The following MB21D2 variants were observed in gnomAD, a reference collection of about 807,000 sequenced individuals.
MB21D2 encodes nucleotidyltransferase MB21D2.
A neutral mutation model predicts 33.3 loss-of-function variants in MB21D2; 9 were observed. The ratio of observed to expected loss-of-function variants is 0.27; its 90% CI spans 0.16 to 0.47. The LOEUF is 0.47. MB21D2 is among the 20% of genes least tolerant of loss of function. The probability of loss-of-function intolerance (pLI) is 0.99; values close to 1 mark genes in which losing one functional copy is unlikely to be tolerated. For missense variants in MB21D2, 540 were observed against 624.6 expected (o/e 0.86, Z 1.44); for synonymous variants, 241 against 236.3 (o/e 1.02, Z -0.18).
At chr3:192,899,013 G>C (rs6785958) in intron 1 of MB21D2, among the ~76,000 whole-genome samples, 6,755 of 152,330 alleles carry the variant, frequency 0.044, 369 homozygotes, top group African/African-American at 0.13. Context: ...AGTTCAGTGT[G>C]TGGATGAAGA....
At position 192,835,173 on chromosome 3, in the gene MB21D2, A is replaced by AC. The variant is rs1712408598; in HGVS notation, c.212-35524_212-35523insG. 4.6e-5 allele frequency among the ~76,000 whole-genome samples: 6 copies of AC among 131,456 alleles called. No homozygotes were observed. The East Asian group carries it at 1.3e-3, about 30-fold the overall frequency. 86.2% of individuals were successfully genotyped at this position (131,456 alleles called of 152,430 possible). On this transcript the variant is annotated intron_variant, in intron 1 of 1. Coordinates refer to ENST00000392452, the MANE Select transcript of MB21D2 (RefSeq NM_178496.4). ...GTCTTTAAAAAAAAAAAAAAAAAAA[A>AC]GCTGGGTGCGGTGGCTTAAGCCTGT...
chr3:192,798,747 T>C lies in MB21D2; in HGVS notation c.1115A>G (p.Lys372Arg), dbSNP rs765881180. 1.2e-6 allele frequency: 2 copies of C among 1,613,482 alleles called. No individual in the cohort carries two copies. Among genetic ancestry groups the C allele is most frequent in the African/African-American group, 2.7e-5 (2 of 75,072 alleles). The change falls in exon 2 of 2, where the codon AAG becomes AGG. Residue 372 changes from lysine (K) to arginine (R), a missense_variant. Physicochemically the swap from Lys to Arg is conservative, Grantham distance 26. Transcript: ENST00000392452. The surrounding 1 kb of genome is among the most constrained non-coding windows in gnomAD (Gnocchi z 4.8). Reference protein sequence around the residue: ...IDDLQHCLVNKMCPNYFIPQC... With the variant: ...IDDLQHCLVNRMCPNYFIPQC... ...AGGGATGAAATAATTGGGGCACATC[T>C]TGTTGACCAGACAGTGTTGCAGGTC...
At chr3:192,809,439 C>T (rs565556161) in intron 1 of MB21D2, among the ~76,000 whole-genome samples, 1 of 152,190 alleles carries the variant, frequency 6.6e-6, no homozygotes, top group Admixed American at 6.5e-5. Context: ...AAAATAGCAG[C>T]CAAATAAATT....
chr3:192,819,769 AC>A lies in MB21D2; in HGVS notation c.212-20120del, dbSNP rs1206318343. Among the ~76,000 whole-genome samples, 4 of 152,306 alleles carry A rather than the reference AC, an allele frequency of 2.6e-5. No homozygotes were observed. In the South Asian group the frequency reaches 6.2e-4, roughly 24 times the overall value. ...TTCCAAAGCTGTCTAAAAAGACTTT[AC>A]TTTTCGCCAACTGTACTCACTTGTT... On this transcript the variant is annotated intron_variant, in intron 1 of 1. Transcript: ENST00000392452.
In MB21D2 at chr3:192,800,398, G is replaced by A. The variant is rs190790370; in HGVS notation, c.212-748C>T. Among the ~76,000 whole-genome samples the A allele has an allele frequency of 2.0e-5, 3 of 152,128 alleles. No individual in the cohort carries two copies. The East Asian group carries it at 5.8e-4, about 29-fold the overall frequency. ...CCCAGTCTTGTCTGACTTTTTTACT[G>A]TGTTGCCATTGTACTAATGGCACAG... On this transcript the variant is annotated intron_variant, in intron 1 of 1. Transcript: ENST00000392452.
rs79350197 is a variant in MB21D2, at chr3:192,870,861, C to T, written c.211+46769G>A. ...TCTTAAGGCCAAAATATATTATGAC[C>T]CAACTGGGAATGGTTTCCTGTGGCT... On this transcript the variant is annotated intron_variant, in intron 1 of 1. Transcript: ENST00000392452. Among the ~76,000 whole-genome samples the T allele has an allele frequency of 1.3e-3, 200 of 151,972 alleles. 2 individuals carry two copies. In the East Asian group the frequency reaches 0.033, roughly 25 times the overall value.
chr3:192,870,699 G>GAAGAAAAAAA lies in MB21D2; in HGVS notation c.211+46930_211+46931insTTTTTTTCTT, dbSNP rs1553859970. 3.6e-3 allele frequency among the ~76,000 whole-genome samples: 148 copies of GAAGAAAAAAA among 41,666 alleles called. 3 individuals are homozygous for GAAGAAAAAAA. The highest frequency in any genetic ancestry group is 0.017 in the South Asian group (12 of 712). The allele number at this position is 41,666 out of a possible 152,430, so 27.3% of individuals were successfully genotyped here. A position where few individuals can be genotyped will look rare whatever the true frequency, so the allele number is the denominator to read the frequency against. On this transcript the variant is annotated intron_variant, in intron 1 of 1. Transcript: ENST00000392452. The stretch of plus-strand genomic sequence containing the variant: ...GCACTCCAGCCTGGGCGACTCCGTT[G>GAAGAAAAAAA]AAAAAAAAAAAAAAAAAAAAGGAAG...
At position 192,840,415 on chromosome 3, in the gene MB21D2, C is replaced by CTTTTTTTTTTTTT. The variant is rs71177380; in HGVS notation, c.212-40778_212-40766dup. On this transcript the variant is annotated intron_variant, in intron 1 of 1. Coordinates refer to ENST00000392452, the MANE Select transcript of MB21D2 (RefSeq NM_178496.4). Reference sequence around the variant, plus strand: ...TGACAAAGACTTTTTTCTCTTTTTTCTTTTTTTTTTTTTTTTTTTTTTTTT... The same window carrying CTTTTTTTTTTTTT: ...TGACAAAGACTTTTTTCTCTTTTTTCTTTTTTTTTTTTTTTTTTTTTTTTTTTTTTTTTTTTTT... Among the ~76,000 whole-genome samples, 25 of 88,288 alleles carry CTTTTTTTTTTTTT rather than the reference C, an allele frequency of 2.8e-4. 1 individual carries two copies. Among genetic ancestry groups the CTTTTTTTTTTTTT allele is most frequent in the Admixed American group, 5.1e-4 (3 of 5,888 alleles). 57.9% of individuals were successfully genotyped at this position (88,288 alleles called of 152,430 possible). A position where few individuals can be genotyped will look rare whatever the true frequency, so the allele number is the denominator to read the frequency against.
intron 1 of MB21D2, among the ~76,000 whole-genome samples, chr3:192,821,220 T>C (rs1712045174): frequency 6.6e-6 from 1 of 152,212 alleles, no homozygotes; most frequent in South Asian, 2.1e-4. Flanking sequence ...TGAATTGTTA[T>C]TAATCTTTAT....
intron 1 of MB21D2, among the ~76,000 whole-genome samples, chr3:192,844,190 T>TA (rs1453825184): frequency 6.6e-6 from 1 of 152,208 alleles, no homozygotes; most frequent in Non-Finnish European, 1.5e-5. Flanking sequence ...CACTCTCACT[T>TA]ACGTTGTCCT....
At chr3:192,890,001 C>T (rs1408450416) in intron 1 of MB21D2, among the ~76,000 whole-genome samples, 1 of 152,012 alleles carries the variant, frequency 6.6e-6, no homozygotes, top group Non-Finnish European at 1.5e-5. Flanking sequence ...CCAGAAATAA[C>T]ACATGTCTAA....
At chr3:192,907,058 C>G (rs544270394) in intron 1 of MB21D2, among the ~76,000 whole-genome samples, 11 of 152,356 alleles carry the variant, frequency 7.2e-5, no homozygotes, top group African/African-American at 2.4e-4. Flanking sequence ...CTAGTTATCT[C>G]TTTATCTTCT....
intron 1 of MB21D2, among the ~76,000 whole-genome samples, chr3:192,900,530 C>T (rs1241086081): frequency 6.6e-5 from 10 of 151,934 alleles, no homozygotes; most frequent in African/African-American, 1.2e-4. Flanking sequence ...CTGGTTTTTT[C>T]GTTTAGGGTA....
chr3:192,884,529 G>C (rs559778127), intron 1 of MB21D2, among the ~76,000 whole-genome samples: 4 of 110,958 alleles, frequency 3.6e-5, no homozygotes, highest in Admixed American at 8.4e-5. Flanking sequence ...ACCACGCCCG[G>C]CTAATTTTTT....
At chr3:192,829,724 T>C (rs1712271269) in intron 1 of MB21D2, among the ~76,000 whole-genome samples, 1 of 152,196 alleles carries the variant, frequency 6.6e-6, no homozygotes, top group Non-Finnish European at 1.5e-5. Flanking sequence ...TGTATGTATG[T>C]ATGGTGTATC....
intron 1 of MB21D2, among the ~76,000 whole-genome samples, chr3:192,908,455 G>C (rs1232849258): frequency 1.3e-5 from 2 of 149,492 alleles, no homozygotes; most frequent in Non-Finnish European, 3.0e-5. Context: ...CTGGAGTACA[G>C]TGACGCGATC....
At chr3:192,867,803 T>C (rs1713201577) in intron 1 of MB21D2, among the ~76,000 whole-genome samples, 1 of 152,126 alleles carries the variant, frequency 6.6e-6, no homozygotes, top group Admixed American at 6.5e-5. Flanking sequence ...CTTAAGAAAC[T>C]GGCAGCTTCC....
At chr3:192,896,972 T>G (rs1296440692) in intron 1 of MB21D2, among the ~76,000 whole-genome samples, 1 of 152,152 alleles carries the variant, frequency 6.6e-6, no homozygotes, top group Non-Finnish European at 1.5e-5. Context: ...TATGGTTCCC[T>G]TCTCAGATTT....
intron 1 of MB21D2, among the ~76,000 whole-genome samples, chr3:192,823,974 G>T (rs1437685793): frequency 6.6e-6 from 1 of 152,112 alleles, no homozygotes; most frequent in African/African-American, 2.4e-5. Context: ...TGCATTTCAG[G>T]AACTTGTTTT....
Sources: allele counts gnomAD v4.1 joint callset (sites outside exome capture counted in the v4.1 genomes callset), GRCh38; gene constraint gnomAD v4.1.1; non-coding constraint Gnocchi (gnomAD v3.1); transcripts MANE v1.5; gene names NCBI Gene and HGNC (gene_info 2026-07-23, HGNC 2026-07-21).